ALKBH8: variants seen among roughly 807,000 people sequenced by gnomAD.
ALKBH8 encodes the protein alkB homolog 8, tRNA methyltransferase.
In ALKBH8, 36 loss-of-function variants were observed where a neutral mutation model predicts 59.8. That is an observed-to-expected ratio of 0.60 (90% confidence interval 0.46 to 0.79). The LOEUF (loss-of-function observed/expected upper bound fraction) is 0.79. Ranked by LOEUF, ALKBH8 falls within the 30% of genes least tolerant of loss-of-function variation. The pLI, the probability that ALKBH8 is intolerant of heterozygous loss-of-function variation, is 0.00. For synonymous variants in ALKBH8, 276 were observed against 273.6 expected (o/e 1.01, Z -0.09); for missense variants, 768 against 801.0 (o/e 0.96, Z 0.50).
In ALKBH8 at chr11:107,525,472, A is replaced by G. The variant is rs1467193496; in HGVS notation, c.999T>C (p.Phe333=). ...SKRGLRTSFT[F]RKVRQTPCNC... Reference sequence around the variant, plus strand: ...TACAAGGTGTTTGCCTCACTTTCCTAAATGTAAATGATGTTCGTAGTCCCC... The same window carrying G: ...TACAAGGTGTTTGCCTCACTTTCCTGAATGTAAATGATGTTCGTAGTCCCC... Residue 333 remains phenylalanine (F), a synonymous_variant, in exon 9 of 12, where the codon TTT becomes TTC. Transcript: ENST00000428149. 6.5e-7 allele frequency: 1 copy of G among 1,545,118 alleles called. No individual in the cohort carries two copies. The highest frequency in any genetic ancestry group is 1.4e-5 in the African/African-American group (1 of 72,320).
chr11:107,525,898 G>A lies in ALKBH8; in HGVS notation c.879-306C>T, dbSNP rs371286052. On this transcript the variant is annotated intron_variant, in intron 8 of 11. Coordinates refer to ENST00000428149, the MANE Select transcript of ALKBH8 (RefSeq NM_138775.3). The stretch of plus-strand genomic sequence containing the variant: ...AGATGATGCCAAGAGGAAACAAATA[G>A]ATGGTAAATTTAAATTCATTATCAG... 3.3e-5 allele frequency among the ~76,000 whole-genome samples: 5 copies of A among 151,752 alleles called. No homozygotes were observed. In the East Asian group the frequency reaches 7.7e-4, roughly 23 times the overall value.
intron 2 of ALKBH8, among the ~76,000 whole-genome samples, chr11:107,559,107 C>A (rs907846838): frequency 6.6e-6 from 1 of 152,162 alleles, no homozygotes; most frequent in Non-Finnish European, 1.5e-5. Flanking sequence ...TTTCCCCTTT[C>A]GCTTGGCTCT....
At chr11:107,562,900 T>A in intron 1 of ALKBH8, 1 of 152,302 alleles carries the variant, frequency 6.6e-6, no homozygotes, top group Non-Finnish European at 1.5e-5. Flanking sequence ...TCAAGAGGCC[T>A]CGATGACTAC....
intron 7 of ALKBH8, among the ~76,000 whole-genome samples, chr11:107,539,563 C>T (rs1252315566): frequency 6.6e-6 from 1 of 151,706 alleles, no homozygotes; most frequent in African/African-American, 2.4e-5. Flanking sequence ...CTCACCGTTG[C>T]ACTCCAGCCT....
chr11:107,560,751 T>C lies in ALKBH8; in HGVS notation c.129+14A>G, dbSNP rs1864901347. On this transcript the variant is annotated intron_variant, in intron 2 of 11. Coordinates refer to ENST00000428149, the MANE Select transcript of ALKBH8 (RefSeq NM_138775.3). ...TACATTTACATTCTAATAATAATAG[T>C]AGTTTTAGGTCACCTGAGTGGCATA... 6.3e-7 allele frequency: 1 copy of C among 1,590,214 alleles called. No individual in the cohort carries two copies. The highest frequency in any genetic ancestry group is 1.1e-5 in the South Asian group (1 of 87,844).
Position 107,505,117 on chromosome 11 carries a change from C to T in ALKBH8, c.1536G>A (p.Lys512=), listed in dbSNP as rs563635396. 1.5e-5 allele frequency: 24 copies of T among 1,551,226 alleles called. No homozygotes were observed. In the South Asian group the frequency reaches 2.7e-4, roughly 18 times the overall value. The stretch of plus-strand genomic sequence containing the variant: ...TTCCTCTAAGATACTTGGACTTCTG[C>T]TTATTATATTCTTGTTCCATTGCCC... ...YVWAMEQEYN[K]QKSKYLRGNR... Residue 512 remains lysine, a synonymous_variant, in exon 12 of 12, where the codon AAG becomes AAA. Transcript: ENST00000428149.
intron 8 of ALKBH8, among the ~76,000 whole-genome samples, chr11:107,528,506 T>C (rs1863444961): frequency 6.6e-6 from 1 of 152,190 alleles, no homozygotes; most frequent in South Asian, 2.1e-4. Context: ...CTATACATGA[T>C]TAAAACTATG....
At chr11:107,565,367 G>A (rs1037920384) in intron 1 of ALKBH8, 9 of 593,604 alleles carry the variant, frequency 1.5e-5, no homozygotes, top group Non-Finnish European at 2.4e-5. Flanking sequence ...ATTGACACAG[G>A]CACCACGTGA....
Position 107,529,878 on chromosome 11 carries a change from T to C in ALKBH8, c.878+2422A>G, listed in dbSNP as rs995027521. On this transcript the variant is annotated intron_variant, in intron 8 of 11. Transcript: ENST00000428149. ...TGTAACTCTAAGATAAAAACAATAGTACAAGCACAGTGTTAAATGACAACT... is the reference window on the plus strand; with the variant it reads ...TGTAACTCTAAGATAAAAACAATAGCACAAGCACAGTGTTAAATGACAACT... Among the ~76,000 whole-genome samples, 24 of 152,184 alleles carry C rather than the reference T, an allele frequency of 1.6e-4. 1 individual carries two copies. The highest frequency in any genetic ancestry group is 4.6e-4 in the African/African-American group (19 of 41,508).
intron 7 of ALKBH8, among the ~76,000 whole-genome samples, chr11:107,546,527 TGA>T (rs1864263240): frequency 1.3e-5 from 2 of 152,280 alleles, no homozygotes; most frequent in Non-Finnish European, 1.5e-5. Context: ...AGGGGAGCAC[TGA>T]GTATTTGAGA....
In ALKBH8 at chr11:107,517,596, T is replaced by C. The variant is rs1591259402; in HGVS notation, c.1287+4703A>G. On this transcript the variant is annotated intron_variant, in intron 10 of 11. Transcript: ENST00000428149. The stretch of plus-strand genomic sequence containing the variant: ...TACTTGGCTATAACAAAGAAGAAAA[T>C]CCTGCCATTCATAACAATATAGGTA... 2.0e-5 allele frequency among the ~76,000 whole-genome samples: 3 copies of C among 151,958 alleles called. 1 individual carries two copies. Among genetic ancestry groups the C allele is most frequent in the Admixed American group, 1.3e-4 (2 of 15,244 alleles).
chr11:107,565,289 C>A, intron 1 of ALKBH8: 1 of 486,830 alleles, frequency 2.1e-6, no homozygotes, highest in Non-Finnish European at 3.7e-6. Flanking sequence ...GTCAGAAAAG[C>A]CCCAGAAGCG....
At chr11:107,548,667 C>G (rs961246170) in intron 7 of ALKBH8, among the ~76,000 whole-genome samples, 4 of 152,140 alleles carry the variant, frequency 2.6e-5, no homozygotes, top group African/African-American at 9.7e-5. Context: ...CATGACTACA[C>G]AAGCTCGGGA....
At chr11:107,554,364 A>G (rs992414630) in intron 3 of ALKBH8, among the ~76,000 whole-genome samples, 3 of 152,218 alleles carry the variant, frequency 2.0e-5, no homozygotes, top group African/African-American at 7.2e-5. Context: ...TCTTGATACT[A>G]TCTATAGTAA....
chr11:107,549,942 CT>C (rs1864422756), intron 6 of ALKBH8, 119 bp from the exon 7 acceptor site: 1 of 669,514 alleles, frequency 1.5e-6, no homozygotes, highest in African/African-American at 1.8e-5. Flanking sequence ...CAGGAAGGTA[CT>C]ATAATTTTGG....
At chr11:107,515,574 C>T (rs1307226648) in intron 10 of ALKBH8, among the ~76,000 whole-genome samples, 2 of 152,162 alleles carry the variant, frequency 1.3e-5, no homozygotes, top group Admixed American at 6.5e-5. Context: ...CCAGGCTGGT[C>T]TCCAACTCTT....
chr11:107,513,886 C>T (rs748249923), intron 10 of ALKBH8, among the ~76,000 whole-genome samples: 25 of 152,044 alleles, frequency 1.6e-4, no homozygotes, highest in Non-Finnish European at 2.9e-4. Flanking sequence ...CTGGGGCCTG[C>T]TTAAGGGTCA....
Position 107,532,234 on chromosome 11 carries a change from G to A in ALKBH8, c.878+66C>T, listed in dbSNP as rs144157427. 41 of 1,351,576 alleles carry A rather than the reference G, an allele frequency of 3.0e-5. No individual in the cohort carries two copies. The African/African-American group carries it at 4.8e-4, about 16-fold the overall frequency. 83.7% of individuals were successfully genotyped at this position (1,351,576 alleles called of 1,614,324 possible). A position where few individuals can be genotyped will look rare whatever the true frequency, so the allele number is the denominator to read the frequency against. ...TGCAGGCACAGGGCATGGTCCCCGTGGCTCAAACACAGAAGAATGAGAAGT... is the reference window on the plus strand; with the variant it reads ...TGCAGGCACAGGGCATGGTCCCCGTAGCTCAAACACAGAAGAATGAGAAGT... On this transcript the variant is annotated intron_variant, in intron 8 of 11. Coordinates refer to ENST00000428149, the MANE Select transcript of ALKBH8 (RefSeq NM_138775.3).
At position 107,509,472 on chromosome 11, in the gene ALKBH8, G is replaced by C. The variant is rs983722730; in HGVS notation, c.1437+1415C>G. 6.6e-5 allele frequency among the ~76,000 whole-genome samples: 10 copies of C among 152,262 alleles called. No homozygotes were observed. The East Asian group carries it at 1.9e-3, about 29-fold the overall frequency. On this transcript the variant is annotated intron_variant, in intron 11 of 11. Transcript: ENST00000428149. ...GGGCTACCTTTTCACTCTGCAGATA[G>C]TGTTGTTTGATGTACAAGTTTTTAA...
Sources: allele counts gnomAD v4.1 joint callset (sites outside exome capture counted in the v4.1 genomes callset), GRCh38; gene constraint gnomAD v4.1.1; transcripts MANE v1.5; gene names NCBI Gene and HGNC (gene_info 2026-07-23, HGNC 2026-07-21).